Variants in OSBPL10 observed in about 807,000 individuals in gnomAD.
OSBPL10 encodes oxysterol binding protein like 10, also known as oxysterol-binding protein-related protein 10.
Under a neutral mutation model 81.7 loss-of-function variants are expected in OSBPL10, and 49 were observed. The observed-to-expected ratio is 0.60, with a 90% CI of 0.48 to 0.76. OSBPL10 has a LOEUF of 0.76. OSBPL10 is among the 30% of genes least tolerant of loss of function. The pLI is 0.00. For missense variants in OSBPL10, 923 were observed against 987.8 expected, an observed-to-expected ratio of 0.93 and a Z score of 0.88; for synonymous variants, 419 against 383.6, an observed-to-expected ratio of 1.09 and a Z score of -1.08.
chr3:31,896,142 T>C (rs554753679), intron 1 of OSBPL10, among the ~76,000 whole-genome samples: 18 of 152,202 alleles, frequency 1.2e-4, no homozygotes, highest in African/African-American at 2.4e-4. Context: ...ACATTCACCA[T>C]TGATAATAAA....
At chr3:32,007,568 A>G (rs1394932674) in intron 2 of OSBPL10, among the ~76,000 whole-genome samples, 1 of 151,914 alleles carries the variant, frequency 6.6e-6, no homozygotes, top group Non-Finnish European at 1.5e-5. Flanking sequence ...CCATGCTCCA[A>G]TCTCAACCTC....
At chr3:31,693,856 C>T (rs1335732653) in intron 7 of OSBPL10, among the ~76,000 whole-genome samples, 1 of 152,210 alleles carries the variant, frequency 6.6e-6, no homozygotes, top group Non-Finnish European at 1.5e-5. Context: ...GAGCCTCAAA[C>T]TCCTAGGCTT....
At chr3:31,793,521 G>A (rs752631395) in intron 4 of OSBPL10, among the ~76,000 whole-genome samples, 11 of 152,154 alleles carry the variant, frequency 7.2e-5, no homozygotes, top group Admixed American at 2.0e-4. Flanking sequence ...GGTTTAAGGA[G>A]GATGGAAATT....
chr3:32,042,888 C>G (rs1195747251), intron 2 of OSBPL10, among the ~76,000 whole-genome samples: 1 of 151,980 alleles, frequency 6.6e-6, no homozygotes, highest in African/African-American at 2.4e-5. Context: ...GATCACAAGG[C>G]AAAGGGCAAA....
In OSBPL10 at chr3:31,981,244, T is replaced by C. The variant is rs577234678; in HGVS notation, c.-65A>G. The C allele has an allele frequency of 0.011, 15,012 of 1,331,476 alleles. 186 individuals carry two copies. Among genetic ancestry groups the C allele is most frequent in the African/African-American group, 0.059 (3,835 of 64,660 alleles). 82.5% of individuals were successfully genotyped at this position (1,331,476 alleles called of 1,614,324 possible). ...GCGGCCCCGGCACGGCGGCTGCTGC[T>C]GCTGCTACAGCTCCGGACGCCCGGG... On this transcript the variant is annotated 5_prime_UTR_variant, in exon 1 of 12. Transcript: ENST00000396556. The surrounding 1 kb of genome is among the most constrained non-coding windows in gnomAD (Gnocchi z 4.5).
intron 3 of OSBPL10, among the ~76,000 whole-genome samples, chr3:31,873,117 A>G (rs1701372883): frequency 6.6e-6 from 1 of 151,390 alleles, no homozygotes; most frequent in Non-Finnish European, 1.5e-5. Context: ...TTGTGAGTAC[A>G]GTGGTGGTTA....
Position 31,795,075 on chromosome 3 carries a change from G to C in OSBPL10, c.729+34965C>G, listed in dbSNP as rs549119716. The C allele has an allele frequency of 3.7e-4, 67 of 180,680 alleles. 1 individual carries two copies. Among genetic ancestry groups the C allele is most frequent in the Non-Finnish European group, 5.9e-4 (49 of 83,400 alleles). The allele number at this position is 180,680 out of a possible 1,614,324, so 11.2% of individuals were successfully genotyped here. ...TAGAGAAGACAAACACTGAAACTAA[G>C]CATGGCCCACCCTTTCATGAGGGAA... On this transcript the variant is annotated intron_variant, in intron 4 of 11. Coordinates refer to ENST00000396556, the MANE Select transcript of OSBPL10 (RefSeq NM_017784.5).
At chr3:31,664,543 A>T in intron 10 of OSBPL10, 1 of 485,282 alleles carries the variant, frequency 2.1e-6, no homozygotes, top group South Asian at 2.5e-5. Context: ...GGTAGCAGGC[A>T]CATATGGCAT....
chr3:31,827,323 C>A (rs1361009639), intron 4 of OSBPL10, among the ~76,000 whole-genome samples: 1 of 152,026 alleles, frequency 6.6e-6, no homozygotes, highest in Non-Finnish European at 1.5e-5. Context: ...AAAAAGCATA[C>A]GTGTATTCAT....
Position 32,047,596 on chromosome 3 carries a change from G to A in OSBPL10, n.186-993C>T, listed in dbSNP as rs193150587. Among the ~76,000 whole-genome samples, 812 of 152,084 alleles carry A rather than the reference G, an allele frequency of 5.3e-3. 6 individuals are homozygous for A. The highest frequency in any genetic ancestry group is 7.9e-3 in the Non-Finnish European group (534 of 67,998). ...TAATGAGAAGTGAGGACAGCCAGTG[G>A]TCACTTTTGTCGCCATCTTGGTTTT... On this transcript the variant is annotated intron_variant and non_coding_transcript_variant, in intron 1 of 3. Transcript: ENST00000479173.
At chr3:32,049,893 GCCTTCC>G (rs1221376504) in intron 1 of OSBPL10, among the ~76,000 whole-genome samples, 2 of 152,192 alleles carry the variant, frequency 1.3e-5, no homozygotes, top group African/African-American at 4.8e-5. Flanking sequence ...CGAGCTCCTT[GCCTTCC>G]CCACCTCGCT....
intron 3 of OSBPL10, among the ~76,000 whole-genome samples, chr3:31,857,846 G>T (rs966990587): frequency 7.4e-6 from 1 of 135,034 alleles, no homozygotes. Context: ...GGGAAAGAGG[G>T]AGGGAAAGAA....
chr3:31,727,123 A>G (rs1005330054), intron 6 of OSBPL10, among the ~76,000 whole-genome samples: 1 of 152,110 alleles, frequency 6.6e-6, no homozygotes, highest in Non-Finnish European at 1.5e-5. Flanking sequence ...ATAAGCCACC[A>G]TACCCAGGCT....
chr3:32,007,344 C>T (rs1175279700), intron 2 of OSBPL10, among the ~76,000 whole-genome samples: 1 of 152,154 alleles, frequency 6.6e-6, no homozygotes, highest in African/African-American at 2.4e-5. Flanking sequence ...CTATAACAAA[C>T]TACCCCAAAC....
intron 7 of OSBPL10, among the ~76,000 whole-genome samples, chr3:31,692,830 T>C (rs958253643): frequency 6.6e-6 from 1 of 152,242 alleles, no homozygotes; most frequent in African/African-American, 2.4e-5. Flanking sequence ...GAATCAATTC[T>C]GCTTGGCCAA....
chr3:31,957,023 T>C (rs1304190112), intron 1 of OSBPL10, among the ~76,000 whole-genome samples: 2 of 151,650 alleles, frequency 1.3e-5, no homozygotes, highest in Non-Finnish European at 2.9e-5. Context: ...TGGTCCCAGC[T>C]ATTCAGGAAA....
rs1452025970 is a variant in OSBPL10 at position 31,785,076 on chromosome 3, G to A, written c.730-36956C>T. On this transcript the variant is annotated intron_variant, in intron 4 of 11. Transcript: ENST00000396556. ...ATTTTTGTATTTTTAGTAGAGATGG[G>A]GTTTCCCTCTATTAGCCAGGCTGGT... 2.6e-5 allele frequency among the ~76,000 whole-genome samples: 4 copies of A among 152,022 alleles called. No homozygotes were observed. The East Asian group carries it at 7.7e-4, about 29-fold the overall frequency.
At chr3:31,665,406 C>A (rs1260571378) in intron 10 of OSBPL10, among the ~76,000 whole-genome samples, 1 of 152,172 alleles carries the variant, frequency 6.6e-6, no homozygotes, top group East Asian at 1.9e-4. Context: ...AGGTCCTGGG[C>A]CGGGGAGCAT....
At chr3:31,991,219 A>G (rs1011717742) in intron 2 of OSBPL10, 11 of 472,308 alleles carry the variant, frequency 2.3e-5, no homozygotes, top group African/African-American at 1.8e-4. Flanking sequence ...GTCAAGACGG[A>G]TAGATCACTT....
Sources: allele counts gnomAD v4.1 joint callset (sites outside exome capture counted in the v4.1 genomes callset), GRCh38; gene constraint gnomAD v4.1.1; non-coding constraint Gnocchi (gnomAD v3.1); transcripts MANE v1.5; gene names NCBI Gene and HGNC (gene_info 2026-07-23, HGNC 2026-07-21).